PTCHD4: variants seen among roughly 807,000 people sequenced by gnomAD.
PTCHD4 encodes patched domain-containing protein 4.
Under a neutral mutation model 58.1 loss-of-function variants are expected in PTCHD4, and 33 were observed. That is an observed-to-expected ratio of 0.57 (90% CI 0.43 to 0.76). PTCHD4 has a LOEUF of 0.76. Among genes scored for constraint, PTCHD4 ranks in the 30% least tolerant of loss-of-function variants. The probability of loss-of-function intolerance (pLI) is 0.00; values close to 1 mark genes in which losing one functional copy is unlikely to be tolerated. For synonymous variants in PTCHD4, 478 were observed against 409.6 expected (o/e 1.17, Z -2.02); for missense variants, 1,058 against 1,027.1 (o/e 1.03, Z -0.41).
chr6:47,967,534 C>T (rs1581948176), intron 4 of PTCHD4, among the ~76,000 whole-genome samples: 1 of 152,190 alleles, frequency 6.6e-6, no homozygotes. Context: ...TTGACTTTTC[C>T]TCTTTAGCTA....
intron 4 of PTCHD4, chr6:47,901,711 T>G (rs1764710873): frequency 2.6e-6 from 3 of 1,168,832 alleles, no homozygotes; most frequent in Non-Finnish European, 3.2e-6. Flanking sequence ...AATAGAGGGC[T>G]GGGTTCTTAG....
At chr6:47,956,677 C>T (rs1298171941) in intron 4 of PTCHD4, among the ~76,000 whole-genome samples, 8 of 152,106 alleles carry the variant, frequency 5.3e-5, no homozygotes, top group Admixed American at 4.6e-4. Flanking sequence ...TCGCGATCTG[C>T]CTGCCTCGGC....
At chr6:47,999,067 C>T (rs537199120) in intron 4 of PTCHD4, among the ~76,000 whole-genome samples, 3 of 152,242 alleles carry the variant, frequency 2.0e-5, no homozygotes, top group South Asian at 2.1e-4. Flanking sequence ...GTTCTATCCC[C>T]CAGTGAGTCA....
intron 1 of PTCHD4, among the ~76,000 whole-genome samples, chr6:48,084,015 G>C (rs573433605): frequency 2.0e-5 from 3 of 151,932 alleles, no homozygotes; most frequent in Admixed American, 6.5e-5. Context: ...CACTAAGTCT[G>C]TGGTAATTTG....
rs933142804 is a variant in PTCHD4 at position 47,935,135 on chromosome 6, T to G, written c.899-55199A>C. ...AGAAATTGGATACTTTTAAGGGCTC[T>G]TGTTATAAAATCAGAGCCATTTTTC... On this transcript the variant is annotated intron_variant, in intron 4 of 4. Transcript: ENST00000339488. 6.6e-5 allele frequency among the ~76,000 whole-genome samples: 10 copies of G among 152,348 alleles called. No individual in the cohort carries two copies. The East Asian group carries it at 9.6e-4, about 15-fold the overall frequency.
intron 4 of PTCHD4, among the ~76,000 whole-genome samples, chr6:47,979,907 C>T (rs1767819540): frequency 1.3e-5 from 2 of 151,956 alleles, no homozygotes; most frequent in South Asian, 4.1e-4. Context: ...GGCCATAGAA[C>T]AAGTGCATTT....
intron 4 of PTCHD4, among the ~76,000 whole-genome samples, chr6:47,933,469 A>G (rs865776508): frequency 1.8e-4 from 28 of 152,230 alleles, no homozygotes; most frequent in Non-Finnish European, 3.7e-4. Flanking sequence ...AGTCTAAATA[A>G]ATTTCAAAGT....
intron 1 of PTCHD4, among the ~76,000 whole-genome samples, chr6:48,107,773 G>A (rs1328918287): frequency 2.0e-4 from 30 of 151,690 alleles, no homozygotes; most frequent in Non-Finnish European, 2.7e-4. Flanking sequence ...AAACAACCCC[G>A]TCAAAAAGTG....
chr6:47,965,731 A>C (rs1211372330), intron 4 of PTCHD4, among the ~76,000 whole-genome samples: 1 of 152,172 alleles, frequency 6.6e-6, no homozygotes, highest in Non-Finnish European at 1.5e-5. Flanking sequence ...AATCGAGACC[A>C]TCTTGGTTAA....
intron 4 of PTCHD4, among the ~76,000 whole-genome samples, chr6:47,886,647 A>T (rs115946806): frequency 0.032 from 4,829 of 152,158 alleles, 139 homozygotes; most frequent in Non-Finnish European, 0.047. Flanking sequence ...AATAATGAAT[A>T]AAAAAAATAA....
In PTCHD4 at chr6:47,870,507, T is replaced by G. The variant is rs990548664; in HGVS notation, c.*7796A>C. Among the ~76,000 whole-genome samples the G allele has an allele frequency of 5.5e-4, 83 of 151,666 alleles. No individual in the cohort carries two copies. The highest frequency in any genetic ancestry group is 1.5e-4 in the Non-Finnish European group (10 of 67,738). On this transcript the variant is annotated 3_prime_UTR_variant, in exon 5 of 5. Coordinates refer to ENST00000339488, the MANE Select transcript of PTCHD4 (RefSeq NM_001384253.1). ...TATTATAGTTAAGAAAAACCTGTTT[T>G]GCAAAATGTTTTTTCACTGATCAAC...
At chr6:48,039,662 G>T (rs1440195658) in intron 3 of PTCHD4, among the ~76,000 whole-genome samples, 4 of 152,066 alleles carry the variant, frequency 2.6e-5, no homozygotes, top group African/African-American at 4.8e-5. Context: ...CTGTGGAAAA[G>T]GTAGAGAAAA....
chr6:48,026,650 A>C (rs1053167539), intron 3 of PTCHD4, among the ~76,000 whole-genome samples: 3 of 152,064 alleles, frequency 2.0e-5, no homozygotes, highest in Admixed American at 6.6e-5. Flanking sequence ...CTCCACTGGA[A>C]GCTCTCAAGG....
Position 47,872,040 on chromosome 6 carries a change from T to C in PTCHD4, c.*6263A>G, listed in dbSNP as rs1234748503. On this transcript the variant is annotated 3_prime_UTR_variant, in exon 5 of 5. Coordinates refer to ENST00000339488, the MANE Select transcript of PTCHD4 (RefSeq NM_001384253.1). Reference sequence around the variant, plus strand: ...ATGACGGCTTATTCTTTTTTTTTTTTCCCCAGCTCTATCAGTGTTGCTACC... The same window carrying C: ...ATGACGGCTTATTCTTTTTTTTTTTCCCCCAGCTCTATCAGTGTTGCTACC... Among the ~76,000 whole-genome samples, 4 of 151,036 alleles carry C rather than the reference T, an allele frequency of 2.6e-5. No homozygotes were observed. The highest frequency in any genetic ancestry group is 2.1e-4 in the South Asian group (1 of 4,802).
intron 3 of PTCHD4, among the ~76,000 whole-genome samples, chr6:48,029,084 T>C (rs1044451439): frequency 8.5e-5 from 13 of 152,216 alleles, no homozygotes; most frequent in Non-Finnish European, 1.6e-4. Context: ...ACTTGATATG[T>C]GCTGGTATAA....
At chr6:48,104,027 G>A (rs1324253624) in intron 1 of PTCHD4, among the ~76,000 whole-genome samples, 1 of 152,190 alleles carries the variant, frequency 6.6e-6, no homozygotes, top group Non-Finnish European at 1.5e-5. Flanking sequence ...AAAACACTCT[G>A]CAGGATATTA....
chr6:47,930,377 T>C (rs541120188), intron 4 of PTCHD4, among the ~76,000 whole-genome samples: 3 of 152,344 alleles, frequency 2.0e-5, no homozygotes, highest in African/African-American at 7.2e-5. Flanking sequence ...AAAACAGACA[T>C]GGATTTTTAA....
intron 1 of PTCHD4, among the ~76,000 whole-genome samples, chr6:48,093,964 TCTTATGCAAA>T (rs1022199652): frequency 3.3e-5 from 5 of 152,168 alleles, no homozygotes; most frequent in Non-Finnish European, 5.9e-5. Flanking sequence ...AAGAAAATAG[TCTTATGCAAA>T]CTTCATCCTA....
intron 4 of PTCHD4, among the ~76,000 whole-genome samples, chr6:47,886,944 C>T (rs188843325): frequency 5.9e-5 from 9 of 152,270 alleles, no homozygotes; most frequent in East Asian, 5.8e-4. Flanking sequence ...ACTTACTATA[C>T]GCTAGACTGA....
Sources: allele counts gnomAD v4.1 joint callset (sites outside exome capture counted in the v4.1 genomes callset), GRCh38; gene constraint gnomAD v4.1.1; transcripts MANE v1.5; gene names NCBI Gene and HGNC (gene_info 2026-07-23, HGNC 2026-07-21).